KLHDC7B: variants seen among roughly 807,000 people sequenced by gnomAD.
KLHDC7B encodes kelch domain containing 7B.
A neutral mutation model predicts 0.6 loss-of-function variants in KLHDC7B; 1 was observed. The ratio of observed to expected loss-of-function variants is 1.71; its 90% CI spans 0.61 to 8.11. KLHDC7B has a LOEUF of 8.11. Ranked by LOEUF, KLHDC7B falls within the 30% of genes most tolerant of loss-of-function variation. The pLI is 0.13. For missense variants in KLHDC7B, 993 were observed against 894.9 expected (o/e 1.11, Z -1.40); for synonymous variants, 462 against 405.2 (o/e 1.14, Z -1.68).
At position 50,549,835 on chromosome 22, in the gene KLHDC7B, G is replaced by A. The variant is rs964861014; in HGVS notation, c.3592G>A (p.Gly1198Arg). The A allele has an allele frequency of 5.0e-6, 8 of 1,585,416 alleles. No homozygotes were observed. The highest frequency in any genetic ancestry group is 6.9e-6 in the Non-Finnish European group (8 of 1,165,910). Residue 1198 changes from glycine (G) to arginine (R), a missense_variant, in exon 1 of 1, where the codon GGG becomes AGG. Physicochemically the swap from Gly to Arg is moderately radical, Grantham distance 125. Transcript: ENST00000648057. ...QVTATFTVSG[G>R]TAQFQAKELQ... ...CACTGCCACCTTCACGGTCTCTGGG[G>A]GGACTGCCCAGTTCCAGGCCAAGGA...
Position 50,548,783 on chromosome 22 carries a change from T to C in KLHDC7B, c.2540T>C (p.Leu847Pro). ...CCCCGGAAGCCCAGCTCCCGGGCCC[T>C]GGAGCCCGCCACGGCGGCAGCCCTG... ...EGPRKPSSRA[L>P]EPATAAALRR... is the part of the protein sequence containing the mutation. Residue 847 changes from leucine to proline, a missense_variant, in exon 1 of 1, where the codon CTG (leucine) becomes CCG (proline). By Grantham distance (98) the Leu-to-Pro change is moderately conservative. Coordinates refer to ENST00000648057, the MANE Select transcript of KLHDC7B (RefSeq NM_138433.5). This position sits in a 1 kb window ranked among gnomAD's most constrained non-coding sequence, Gnocchi z 5.3. 1 of 1,455,632 alleles carries C rather than the reference T, an allele frequency of 6.9e-7. No individual in the cohort carries two copies. 90.2% of individuals were successfully genotyped at this position (1,455,632 alleles called of 1,614,324 possible). A position where few individuals can be genotyped will look rare whatever the true frequency, so the allele number is the denominator to read the frequency against.
chr22:50,547,003 G>C lies in KLHDC7B; in HGVS notation c.760G>C (p.Gly254Arg), dbSNP rs2148694778. Residue 254 changes from glycine to arginine, a missense_variant, in exon 1 of 1, where the codon GGC (glycine) becomes CGC (arginine). Physicochemically the swap from Gly to Arg is moderately radical, Grantham distance 125 (BLOSUM62 -2). Coordinates refer to ENST00000648057, the MANE Select transcript of KLHDC7B (RefSeq NM_138433.5). ...CCGGAAACTGGACCCGCTCCGCCTG[G>C]GCGCCGCGGGGAGCGTGTGGGACGC... ...RPRKLDPLRL[G>R]AAGSVWDAVD... is the part of the protein sequence containing the mutation. Among the ~76,000 whole-genome samples the C allele has an allele frequency of 6.6e-6, 1 of 151,418 alleles. No homozygotes were observed. The highest frequency in any genetic ancestry group is 6.6e-5 in the Admixed American group (1 of 15,202).
At position 50,549,323 on chromosome 22, in the gene KLHDC7B, G is replaced by A. The variant is rs376479128; in HGVS notation, c.3080G>A (p.Ser1027Asn). 2.5e-5 allele frequency: 40 copies of A among 1,612,696 alleles called. No homozygotes were observed. The highest frequency in any genetic ancestry group is 1.3e-5 in the African/African-American group (1 of 74,942). The change falls in exon 1 of 1, where the codon AGC (serine) becomes AAC (asparagine). Residue 1027 changes from serine to asparagine, a missense_variant. Transcript: ENST00000648057. The stretch of plus-strand genomic sequence containing the variant: ...TACAACCCTCTGACCAACATCTGGA[G>A]CCAGGTTCGGCCCATGCAGCAGGCC... ...FCYNPLTNIW[S>N]QVRPMQQARA...
chr22:50,546,170 G>T lies in KLHDC7B; in HGVS notation c.-74G>T, dbSNP rs7288373. ...CAGCCCTTGGGGCAGGCGCTGGCCG[G>T]TGCCTCAGCCCAGGCCTCTGTGCTC... On this transcript the variant is annotated 5_prime_UTR_variant, in exon 1 of 1. Coordinates refer to ENST00000648057, the MANE Select transcript of KLHDC7B (RefSeq NM_138433.5). Among the ~76,000 whole-genome samples, 27,371 of 152,214 alleles carry T rather than the reference G, an allele frequency of 0.18. 3,204 individuals are homozygous for T. Among genetic ancestry groups the T allele is most frequent in the African/African-American group, 0.33 (13,891 of 41,482 alleles).
Position 50,548,719 on chromosome 22 carries a change from T to C in KLHDC7B, c.2476T>C (p.Phe826Leu), listed in dbSNP as rs1233197890. 2.1e-5 allele frequency: 32 copies of C among 1,499,500 alleles called. No homozygotes were observed. Among genetic ancestry groups the C allele is most frequent in the Non-Finnish European group, 2.8e-5 (31 of 1,125,602 alleles). 92.9% of individuals were successfully genotyped at this position (1,499,500 alleles called of 1,614,324 possible). The change falls in exon 1 of 1, where the codon TTT becomes CTT. Residue 826 changes from phenylalanine to leucine, a missense_variant. By Grantham distance (22) the Phe-to-Leu change is conservative. Transcript: ENST00000648057. This position sits in a 1 kb window ranked among gnomAD's most constrained non-coding sequence, Gnocchi z 5.3. ...KQEEARKLMVFLQRPGGWGVV... is the reference protein window; with the variant it reads ...KQEEARKLMVLLQRPGGWGVV... ...GGAGGAGGCCCGGAAGCTCATGGTG[T>C]TTCTGCAGAGGCCCGGGGGTTGGGG...
rs2069763511 is a variant in KLHDC7B, at chr22:50,548,681, T to A, written c.2438T>A (p.Leu813His). ...GGSPAGRSGA[L>H]TEKQEEARKL... ...AGCCCTGCCGGCCGCAGCGGGGCGC[T>A]CACGGAAAAGCAGGAGGAGGCCCGG... Residue 813 changes from leucine to histidine, a missense_variant, in exon 1 of 1, where the codon CTC becomes CAC. Coordinates refer to ENST00000648057, the MANE Select transcript of KLHDC7B (RefSeq NM_138433.5). The surrounding 1 kb of genome is among the most constrained non-coding windows in gnomAD (Gnocchi z 5.3). The A allele has an allele frequency of 6.6e-7, 1 of 1,521,218 alleles. No individual in the cohort carries two copies. Among genetic ancestry groups the A allele is most frequent in the Non-Finnish European group, 8.8e-7 (1 of 1,134,788 alleles). The allele number at this position is 1,521,218 out of a possible 1,614,324, so 94.2% of individuals were successfully genotyped here. A position where few individuals can be genotyped will look rare whatever the true frequency, so the allele number is the denominator to read the frequency against.
At position 50,549,350 on chromosome 22, in the gene KLHDC7B, G is replaced by T. The variant is rs753201278; in HGVS notation, c.3107G>T (p.Arg1036Leu). ...CAGGTTCGGCCCATGCAGCAGGCCC[G>T]AGCCCAGCTCAAGCTGGTGGCCCTG... ...WSQVRPMQQA[R>L]AQLKLVALDG... Residue 1036 changes from arginine (R) to leucine (L), a missense_variant, in exon 1 of 1, where the codon CGA becomes CTA. By Grantham distance (102) the Arg-to-Leu change is moderately radical. Coordinates refer to ENST00000648057, the MANE Select transcript of KLHDC7B (RefSeq NM_138433.5). The T allele has an allele frequency of 6.2e-7, 1 of 1,612,732 alleles. No homozygotes were observed. Among genetic ancestry groups the T allele is most frequent in the African/African-American group, 1.3e-5 (1 of 74,938 alleles).
chr22:50,549,325 C>A lies in KLHDC7B; in HGVS notation c.3082C>A (p.Gln1028Lys), dbSNP rs1455696186. ...CAACCCTCTGACCAACATCTGGAGC[C>A]AGGTTCGGCCCATGCAGCAGGCCCG... ...CYNPLTNIWS[Q>K]VRPMQQARAQ... is the part of the protein sequence containing the mutation. Residue 1028 changes from glutamine to lysine, a missense_variant, in exon 1 of 1, where the codon CAG becomes AAG. Coordinates refer to ENST00000648057, the MANE Select transcript of KLHDC7B (RefSeq NM_138433.5). The A allele has an allele frequency of 6.2e-7, 1 of 1,612,864 alleles. No individual in the cohort carries two copies. Among genetic ancestry groups the A allele is most frequent in the East Asian group, 2.2e-5 (1 of 44,880 alleles).
rs1215620908 is a variant in KLHDC7B at position 50,547,173 on chromosome 22, T to C, written c.930T>C (p.Gly310=). 6.6e-6 allele frequency among the ~76,000 whole-genome samples: 1 copy of C among 150,958 alleles called. No individual in the cohort carries two copies. Among genetic ancestry groups the C allele is most frequent in the Non-Finnish European group, 1.5e-5 (1 of 67,626 alleles). Residue 310 remains glycine (G), a synonymous_variant, in exon 1 of 1, where the codon GGT becomes GGC. Coordinates refer to ENST00000648057, the MANE Select transcript of KLHDC7B (RefSeq NM_138433.5). ...AGACGGAAGGCTCTGGGGCCAAGGG[T>C]GGCTGGAGCAGGGAGGCCTCGGGGG... is the stretch of plus-strand genomic sequence containing the variant. ...GSQTEGSGAK[G]GWSREASGVP... is the part of the protein sequence containing the mutation.
At position 50,549,551 on chromosome 22, in the gene KLHDC7B, G is replaced by T. The variant is rs758694348; in HGVS notation, c.3308G>T (p.Arg1103Leu). ...GTCACCGGGGGTCACCTCTTCTACC[G>T]CCTGCTCAGGTACAGCCCCGTGAAG... ...IYVTGGHLFYRLLRYSPVKDA... is the reference protein window; with the variant it reads ...IYVTGGHLFYLLLRYSPVKDA... Residue 1103 changes from arginine (R) to leucine (L), a missense_variant, in exon 1 of 1, where the codon CGC becomes CTC. Coordinates refer to ENST00000648057, the MANE Select transcript of KLHDC7B (RefSeq NM_138433.5). 2.5e-6 allele frequency: 4 copies of T among 1,598,768 alleles called. No homozygotes were observed. Among genetic ancestry groups the T allele is most frequent in the Non-Finnish European group, 3.4e-6 (4 of 1,170,870 alleles).
chr22:50,549,114 G>A lies in KLHDC7B; in HGVS notation c.2871G>A (p.Leu957=), dbSNP rs768843564. ...CTCCTGCGGCGGCCCCTGTGTCCCT[G>A]CCTCTACCTGCGCACCTGCATGTGT... is the stretch of plus-strand genomic sequence containing the variant. The part of the protein sequence containing the change: ...EEPPAAAPVS[L]PLPAHLHVFN... The change falls in exon 1 of 1, where the codon CTG becomes CTA. Residue 957 remains leucine, a synonymous_variant. Transcript: ENST00000648057. The A allele has an allele frequency of 6.9e-6, 11 of 1,601,732 alleles. No individual in the cohort carries two copies. The South Asian group carries it at 1.2e-4, about 18-fold the overall frequency.
chr22:50,546,874 ACTGGCCC>A (rs1569029133), upstream of KLHDC7B, among the ~76,000 whole-genome samples: 1 of 152,012 alleles, frequency 6.6e-6, no homozygotes, highest in Non-Finnish European at 1.5e-5. Context: ...GCAACAGGAC[ACTGGCCC>A]CTGGCAGGCG....
Position 50,549,030 on chromosome 22 carries a change from G to A in KLHDC7B, c.2787G>A (p.Leu929=). 6.3e-7 allele frequency: 1 copy of A among 1,596,738 alleles called. No individual in the cohort carries two copies. Residue 929 remains leucine (L), a synonymous_variant, in exon 1 of 1, where the codon CTG becomes CTA. Transcript: ENST00000648057. ...GGGCGGTGCTGGGCGTCCTCGTACT[G>A]CCCAGCCTCTACCAGGGGGGCCGCT... is the stretch of plus-strand genomic sequence containing the variant. ...RGRAVLGVLV[L]PSLYQGGRSG...
At position 50,548,620 on chromosome 22, in the gene KLHDC7B, G is replaced by T. The variant is rs1569029922; in HGVS notation, c.2377G>T (p.Gly793Trp). Residue 793 changes from glycine (G) to tryptophan (W), a missense_variant, in exon 1 of 1, where the codon GGG becomes TGG. Transcript: ENST00000648057. The surrounding 1 kb of genome is among the most constrained non-coding windows in gnomAD (Gnocchi z 5.3). ...SEQEVRPAAS[G>W]DPQGEAPGEG... ...GCAGGAGGTCAGGCCGGCCGCCTCG[G>T]GGGACCCTCAAGGGGAGGCGCCGGG... 6 of 1,542,878 alleles carry T rather than the reference G, an allele frequency of 3.9e-6. No homozygotes were observed. Among genetic ancestry groups the T allele is most frequent in the Non-Finnish European group, 5.2e-6 (6 of 1,144,992 alleles).
rs146538520 is a variant in KLHDC7B at position 50,549,512 on chromosome 22, G to A, written c.3269G>A (p.Arg1090His). 3.7e-5 allele frequency: 59 copies of A among 1,610,896 alleles called. No homozygotes were observed. The highest frequency in any genetic ancestry group is 9.9e-5 in the South Asian group (9 of 90,914). The change falls in exon 1 of 1, where the codon CGT (arginine) becomes CAT (histidine). Residue 1090 changes from arginine to histidine, a missense_variant. By Grantham distance (29) the Arg-to-His change is conservative. Transcript: ENST00000648057. ...FPVAHEAVAC[R>H]GDIYVTGGHL... is the part of the protein sequence containing the mutation. ...GTGGCCCACGAGGCTGTGGCCTGCC[G>A]TGGGGACATCTACGTCACCGGGGGT...
upstream of KLHDC7B, chr22:50,547,896 AACCCCAGCCCT>A: frequency 1.5e-5 from 2 of 136,426 alleles, no homozygotes; most frequent in Non-Finnish European, 1.2e-5. Flanking sequence ...CCCCAGTCCC[AACCCCAGCCCT>A]AAGCCCAGCT....
chr22:50,549,808 G>C lies in KLHDC7B; in HGVS notation c.3565G>C (p.Val1189Leu). The change falls in exon 1 of 1, where the codon GTC (valine) becomes CTC (leucine). Residue 1189 changes from valine (V) to leucine (L), a missense_variant. Physicochemically the swap from Val to Leu is conservative, Grantham distance 32 (BLOSUM62 1). Coordinates refer to ENST00000648057, the MANE Select transcript of KLHDC7B (RefSeq NM_138433.5). Reference sequence around the variant, plus strand: ...CACCATTTACTGCCTCAACCCCCAGGTCACTGCCACCTTCACGGTCTCTGG... The same window carrying C: ...CACCATTTACTGCCTCAACCCCCAGCTCACTGCCACCTTCACGGTCTCTGG... ...GNTIYCLNPQ[V>L]TATFTVSGGT... 1.3e-6 allele frequency: 2 copies of C among 1,594,288 alleles called. No homozygotes were observed. Among genetic ancestry groups the C allele is most frequent in the South Asian group, 1.1e-5 (1 of 89,472 alleles).
Position 50,548,185 on chromosome 22 carries a change from C to T in KLHDC7B, c.1942C>T (p.Pro648Ser). 1 of 1,524,890 alleles carries T rather than the reference C, an allele frequency of 6.6e-7. No individual in the cohort carries two copies. Among genetic ancestry groups the T allele is most frequent in the Non-Finnish European group, 8.8e-7 (1 of 1,130,970 alleles). 94.5% of individuals were successfully genotyped at this position (1,524,890 alleles called of 1,614,324 possible). A position where few individuals can be genotyped will look rare whatever the true frequency, so the allele number is the denominator to read the frequency against. ...TATTGCCATGGTTCTTAGAAGCCAC[C>T]CCTTCCCCAGGCAAGACAGGCCCCA... The part of the protein sequence containing the change: ...NLIAMVLRSH[P>S]FPRQDRPQGS... Residue 648 changes from proline to serine, a missense_variant, in exon 1 of 1, where the codon CCC becomes TCC. Transcript: ENST00000648057. The surrounding 1 kb of genome is among the most constrained non-coding windows in gnomAD (Gnocchi z 5.3).
Position 50,547,274 on chromosome 22 carries a change from A to G in KLHDC7B, c.1031A>G (p.Asp344Gly), listed in dbSNP as rs5770882. 0.8 allele frequency among the ~76,000 whole-genome samples: 121,835 copies of G among 151,566 alleles called. 49,606 individuals are homozygous for G. The highest frequency in any genetic ancestry group is 0.99 in the East Asian group (5,001 of 5,066). ...PGTRSFGPAP[D>G]STRPWLESPP... ...ACCCGGAGCTTTGGCCCAGCCCCAG[A>G]CTCCACGCGCCCCTGGCTAGAGAGT... The change falls in exon 1 of 1, where the codon GAC (aspartate) becomes GGC (glycine). Residue 344 changes from aspartate (D) to glycine (G), a missense_variant. Asp to Gly is a moderately conservative substitution (Grantham distance 94). Coordinates refer to ENST00000648057, the MANE Select transcript of KLHDC7B (RefSeq NM_138433.5).
Sources: allele counts gnomAD v4.1 joint callset (sites outside exome capture counted in the v4.1 genomes callset), GRCh38; gene constraint gnomAD v4.1.1; non-coding constraint Gnocchi (gnomAD v3.1); transcripts MANE v1.5; gene names NCBI Gene and HGNC (gene_info 2026-07-23, HGNC 2026-07-21).